AGT: variants seen among roughly 807,000 people sequenced by gnomAD.
AGT encodes the protein angiotensinogen.
AGT carries 26 observed loss-of-function variants against 28.1 expected under a neutral mutation model. The ratio of observed to expected loss-of-function variants is 0.92; its 90% CI spans 0.68 to 1.28. The LOEUF is 1.28. Among genes scored for constraint, AGT ranks in the 50% most tolerant of loss-of-function variants. AGT has a pLI of 0.00. For synonymous variants in AGT, 259 were observed against 259.6 expected, an observed-to-expected ratio of 1.00 and a Z score of 0.02; for missense variants, 596 against 592.3, an observed-to-expected ratio of 1.01 and a Z score of -0.06.
Position 230,710,532 on chromosome 1 carries a change from C to G in AGT, c.292G>C (p.Gly98Arg), listed in dbSNP as rs766006056. Residue 98 changes from glycine (G) to arginine (R), a missense_variant, in exon 2 of 5, where the codon GGG becomes CGG. Transcript: ENST00000366667. Reference sequence around the variant, plus strand: ...AAGCCCAAGAAGTTGGCCAGCATCCCGACCATTGCGGCCCTCAACTTGTCT... The same window carrying G: ...AAGCCCAAGAAGTTGGCCAGCATCCGGACCATTGCGGCCCTCAACTTGTCT... Reference protein sequence around the residue: ...TEDKLRAAMVGMLANFLGFRI... With the variant: ...TEDKLRAAMVRMLANFLGFRI... The G allele has an allele frequency of 6.2e-7, 1 of 1,614,240 alleles. No homozygotes were observed.
At chr1:230,726,584 T>C (rs1239030283) in intron 1 of AGT, among the ~76,000 whole-genome samples, 3 of 151,470 alleles carry the variant, frequency 2.0e-5, no homozygotes, top group Non-Finnish European at 2.9e-5. Context: ...TTACTATGTT[T>C]AAAAAAAAAC....
At chr1:230,706,433 C>T (rs1038940867) in intron 2 of AGT, among the ~76,000 whole-genome samples, 6 of 152,196 alleles carry the variant, frequency 3.9e-5, no homozygotes, top group Non-Finnish European at 1.5e-5. Context: ...TAACCGCCAC[C>T]TGCAAGACAC....
chr1:230,722,291 C>T (rs1416417937), intron 1 of AGT, among the ~76,000 whole-genome samples: 5 of 152,212 alleles, frequency 3.3e-5, no homozygotes, highest in Admixed American at 1.3e-4. Flanking sequence ...TATGGAAATG[C>T]CTGGATGTCC....
At chr1:230,736,388 G>A (rs1020980733) in intron 1 of AGT, among the ~76,000 whole-genome samples, 11 of 152,014 alleles carry the variant, frequency 7.2e-5, no homozygotes, top group Non-Finnish European at 8.8e-5. Context: ...GCATGGTGGC[G>A]GGCACCTGTA....
intron 3 of AGT, 88 bp from the exon 4 acceptor site, chr1:230,704,425 C>T: frequency 6.6e-7 from 1 of 1,512,976 alleles, no homozygotes; most frequent in Non-Finnish European, 9.0e-7. Flanking sequence ...TCCTTGCACC[C>T]AACCCTGACG....
At position 230,702,527 on chromosome 1, in the gene AGT, T is replaced by C. The variant is rs1472269720; in HGVS notation, c.*614A>G. 2 of 155,280 alleles carry C rather than the reference T, an allele frequency of 1.3e-5. No homozygotes were observed. Among genetic ancestry groups the C allele is most frequent in the Non-Finnish European group, 2.9e-5 (2 of 69,922 alleles). 9.6% of individuals were successfully genotyped at this position (155,280 alleles called of 1,614,324 possible). A position where few individuals can be genotyped will look rare whatever the true frequency, so the allele number is the denominator to read the frequency against. On this transcript the variant is annotated 3_prime_UTR_variant, in exon 5 of 5. Transcript: ENST00000366667. ...GCTGCTAAATGAAAGATAAAATTTTTGGAGGCTTATTGTGGCAAGACGTTT... is the reference window on the plus strand; with the variant it reads ...GCTGCTAAATGAAAGATAAAATTTTCGGAGGCTTATTGTGGCAAGACGTTT...
At chr1:230,715,214 C>G (rs1663704971), upstream of AGT, among the ~76,000 whole-genome samples, 3 of 152,174 alleles carry the variant, frequency 2.0e-5, no homozygotes, top group South Asian at 2.1e-4. Flanking sequence ...ACAAATACCT[C>G]TTTTTTACCC....
chr1:230,733,439 G>C (rs968529300), intron 1 of AGT, among the ~76,000 whole-genome samples: 2 of 152,140 alleles, frequency 1.3e-5, no homozygotes. Flanking sequence ...GCTTATGAAA[G>C]CAAGTGCCCA....
chr1:230,712,139 T>G (rs1288832675), intron 1 of AGT, among the ~76,000 whole-genome samples: 1 of 152,226 alleles, frequency 6.6e-6, no homozygotes, highest in Non-Finnish European at 1.5e-5. Context: ...CGTCACTTCT[T>G]GGCCTTTTCT....
intron 1 of AGT, among the ~76,000 whole-genome samples, chr1:230,742,986 G>A (rs368063428): frequency 3.3e-5 from 5 of 152,090 alleles, no homozygotes; most frequent in Admixed American, 2.6e-4. Flanking sequence ...CAGCAAGTAG[G>A]GGGGTGTTTT....
At chr1:230,705,839 G>A in intron 3 of AGT, 94 bp downstream of exon 3, 1 of 1,533,764 alleles carries the variant, frequency 6.5e-7, no homozygotes. Context: ...CTGCACCCAA[G>A]GCTCAGCTCA....
intron 2 of AGT, among the ~76,000 whole-genome samples, chr1:230,706,993 C>T (rs1663406676): frequency 6.6e-6 from 1 of 152,216 alleles, no homozygotes; most frequent in Admixed American, 6.5e-5. Flanking sequence ...GTGGGCCACG[C>T]AGGCCCCGGA....
At chr1:230,736,174 T>C (rs576187286) in intron 1 of AGT, among the ~76,000 whole-genome samples, 1 of 152,140 alleles carries the variant, frequency 6.6e-6, no homozygotes, top group East Asian at 1.9e-4. Flanking sequence ...TTTGTGTGTG[T>C]GTGTGTGTGT....
chr1:230,710,093 C>A lies in AGT; in HGVS notation c.731G>T (p.Arg244Met), dbSNP rs772166501. 2 of 1,614,080 alleles carry A rather than the reference C, an allele frequency of 1.2e-6. No homozygotes were observed. Among genetic ancestry groups the A allele is most frequent in the Non-Finnish European group, 1.7e-6 (2 of 1,180,042 alleles). Residue 244 changes from arginine to methionine, a missense_variant, in exon 2 of 5, where the codon AGG becomes ATG. Coordinates refer to ENST00000366667, the MANE Select transcript of AGT (RefSeq NM_001384479.1). Reference sequence around the variant, plus strand: ...CCATCCTGTCACAGCCTGCATGAACCTGTCAATCTTCTCAGCAGCAACATC... The same window carrying A: ...CCATCCTGTCACAGCCTGCATGAACATGTCAATCTTCTCAGCAGCAACATC... Reference protein sequence around the residue: ...ELDVAAEKIDRFMQAVTGWKT... With the variant: ...ELDVAAEKIDMFMQAVTGWKT...
At chr1:230,722,576 C>T (rs1187580338) in intron 1 of AGT, among the ~76,000 whole-genome samples, 1 of 152,230 alleles carries the variant, frequency 6.6e-6, no homozygotes, top group Non-Finnish European at 1.5e-5. Flanking sequence ...GGTGGAGCTG[C>T]CCAAGGCCAT....
chr1:230,738,702 A>G (rs1664192946), intron 1 of AGT, among the ~76,000 whole-genome samples: 2 of 152,224 alleles, frequency 1.3e-5, no homozygotes, highest in Non-Finnish European at 2.9e-5. Context: ...GTGCATTAAA[A>G]AGAGAAAATG....
chr1:230,704,152 C>T, intron 4 of AGT, 41 bp downstream of exon 4: 1 of 1,614,150 alleles, frequency 6.2e-7, no homozygotes, highest in Non-Finnish European at 8.5e-7. Context: ...CCTGTGCACA[C>T]TTGGAACCCA....
chr1:230,725,747 C>T (rs1326882), intron 1 of AGT, among the ~76,000 whole-genome samples: 7,786 of 150,210 alleles, frequency 0.052, 252 homozygotes, highest in Middle Eastern at 0.14. Context: ...TCAGTTAATG[C>T]CTTTCTACTG....
intron 1 of AGT, among the ~76,000 whole-genome samples, chr1:230,726,394 G>GA (rs1434104487): frequency 1.3e-5 from 2 of 151,204 alleles, no homozygotes; most frequent in South Asian, 2.1e-4. Flanking sequence ...CAAACCTACT[G>GA]AAAAAAAAGT....
Sources: allele counts gnomAD v4.1 joint callset (sites outside exome capture counted in the v4.1 genomes callset), GRCh38; gene constraint gnomAD v4.1.1; transcripts MANE v1.5; gene names NCBI Gene and HGNC (gene_info 2026-07-23, HGNC 2026-07-21).